PVT1: variants seen among roughly 807,000 people sequenced by gnomAD.
PVT1 encodes Pvt1 oncogene.
At chr8:127,925,539 A>G (rs1404402900) in intron 3 of PVT1, among the ~76,000 whole-genome samples, 1 of 152,228 alleles carries the variant, frequency 6.6e-6, no homozygotes, top group Non-Finnish European at 1.5e-5. Flanking sequence ...GGTGGGCACT[A>G]TGGTAGGATT....
intron 4 of PVT1, among the ~76,000 whole-genome samples, chr8:128,053,362 T>TACATATATATATACACACACACAC (rs1813721091): frequency 1.3e-5 from 2 of 149,272 alleles, no homozygotes; most frequent in Non-Finnish European, 3.0e-5. Context: ...GGGCTATATA[T>TACATATATATATACACACACACAC]ACATATATAT....
intron 3 of PVT1, among the ~76,000 whole-genome samples, chr8:127,938,249 G>T (rs945269209): frequency 1.3e-5 from 2 of 152,292 alleles, no homozygotes; most frequent in East Asian, 3.9e-4. Flanking sequence ...AAATGTGAGC[G>T]AGATTGACAA....
At chr8:128,090,715 T>C (rs948418249) in intron 5 of PVT1, among the ~76,000 whole-genome samples, 3 of 152,116 alleles carry the variant, frequency 2.0e-5, no homozygotes, top group Admixed American at 1.3e-4. Flanking sequence ...TCACCCCCCA[T>C]GCTCATTACC....
intron 4 of PVT1, among the ~76,000 whole-genome samples, chr8:128,065,862 G>T (rs566591305): frequency 2.0e-5 from 3 of 152,188 alleles, no homozygotes; most frequent in Non-Finnish European, 1.5e-5. Context: ...GGAACCTTTC[G>T]TTCATTCACC....
intron 2 of PVT1, among the ~76,000 whole-genome samples, chr8:127,848,214 T>C (rs1343774939): frequency 2.0e-5 from 3 of 152,238 alleles, no homozygotes; most frequent in Non-Finnish European, 4.4e-5. Flanking sequence ...GGTTATGTTC[T>C]ATTCACGCGA....
chr8:127,933,357 G>T (rs900558697), intron 3 of PVT1, among the ~76,000 whole-genome samples: 1 of 152,198 alleles, frequency 6.6e-6, no homozygotes, highest in Admixed American at 6.5e-5. Flanking sequence ...TTACAGGCGC[G>T]AGCCATTGTG....
chr8:127,858,263 C>T (rs1023077682), intron 2 of PVT1, among the ~76,000 whole-genome samples: 8 of 151,920 alleles, frequency 5.3e-5, no homozygotes, highest in East Asian at 1.9e-4. Context: ...AAAAATTAGC[C>T]GGGCATGGTG....
intron 2 of PVT1, among the ~76,000 whole-genome samples, chr8:127,814,952 G>A (rs545110352): frequency 4.9e-4 from 74 of 152,124 alleles, no homozygotes; most frequent in African/African-American, 1.7e-3. Context: ...ATTACACTTG[G>A]TGTAAACTTT....
At chr8:127,938,162 T>G (rs2129902205) in intron 3 of PVT1, among the ~76,000 whole-genome samples, 1 of 152,258 alleles carries the variant, frequency 6.6e-6, no homozygotes, top group Non-Finnish European at 1.5e-5. Flanking sequence ...GGGGGTGGTA[T>G]CCCTCACATC....
chr8:127,915,502 C>G (rs112092947), intron 3 of PVT1, among the ~76,000 whole-genome samples: 2,188 of 148,966 alleles, frequency 0.015, 43 homozygotes, highest in African/African-American at 0.051. Flanking sequence ...ATCCCAGCTA[C>G]TTGGGAGGCT....
intron 2 of PVT1, among the ~76,000 whole-genome samples, chr8:127,813,738 G>A (rs1262231396): frequency 6.6e-6 from 1 of 152,136 alleles, no homozygotes; most frequent in African/African-American, 2.4e-5. Context: ...CTCACCTCTG[G>A]CTCCTTCAAC....
intron 3 of PVT1, among the ~76,000 whole-genome samples, chr8:127,934,508 C>T (rs990029242): frequency 2.0e-5 from 3 of 152,130 alleles, no homozygotes; most frequent in African/African-American, 7.2e-5. Context: ...ATAGGTTTGC[C>T]AAAGATAGAG....
At chr8:127,953,223 T>G (rs1354639029) in intron 3 of PVT1, among the ~76,000 whole-genome samples, 1 of 152,200 alleles carries the variant, frequency 6.6e-6, no homozygotes, top group Non-Finnish European at 1.5e-5. Context: ...ATCTCTGTCC[T>G]TTTGAATTGT....
chr8:128,068,583 G>A (rs559156491), intron 4 of PVT1, among the ~76,000 whole-genome samples: 7 of 152,224 alleles, frequency 4.6e-5, no homozygotes, highest in Middle Eastern at 3.4e-3. Flanking sequence ...TGCAATCTCC[G>A]ACTTCCTGGT....
chr8:128,051,706 G>C (rs997053542), intron 4 of PVT1, among the ~76,000 whole-genome samples: 6 of 151,720 alleles, frequency 4.0e-5, no homozygotes, highest in African/African-American at 1.5e-4. Context: ...TCTTCTGGTC[G>C]ATCAAGTCTG....
intron 4 of PVT1, chr8:127,998,146 A>C (rs1450542734): frequency 6.6e-6 from 1 of 152,146 alleles, no homozygotes; most frequent in African/African-American, 2.4e-5. Flanking sequence ...CACTTTAAAG[A>C]TACTTTTGTG....
At chr8:127,994,791 G>C (rs1030444754) in intron 4 of PVT1, among the ~76,000 whole-genome samples, 1 of 152,188 alleles carries the variant, frequency 6.6e-6, no homozygotes, top group South Asian at 2.1e-4. Context: ...TGAGGACCAG[G>C]AATGCCAAGG....
chr8:127,914,260 C>CAAAAAAAAAA lies in PVT1; in HGVS notation n.782+23293_782+23302dup. ...AATTAAACACCACCACCACCAACAG[C>CAAAAAAAAAA]AAAAAAAAAAAAAAAAAAAAAAAAA... On this transcript the variant is annotated intron_variant and non_coding_transcript_variant, in intron 3 of 10. Coordinates refer to ENST00000651587, the Ensembl canonical transcript of PVT1. 8.6e-4 allele frequency among the ~76,000 whole-genome samples: 41 copies of CAAAAAAAAAA among 47,854 alleles called. 2 individuals are homozygous for CAAAAAAAAAA. Among genetic ancestry groups the CAAAAAAAAAA allele is most frequent in the Middle Eastern group, 0.028 (1 of 36 alleles). The allele number at this position is 47,854 out of a possible 152,430, so 31.4% of individuals were successfully genotyped here.
At chr8:128,007,765 G>A (rs1817264456) in intron 4 of PVT1, among the ~76,000 whole-genome samples, 1 of 152,334 alleles carries the variant, frequency 6.6e-6, no homozygotes, top group Admixed American at 6.5e-5. Context: ...GTAGGTTTAG[G>A]TTTGATGTAC....
Sources: gnomAD v4.1 joint callset for allele counts (sites outside exome capture counted in the v4.1 genomes callset) on GRCh38, gnomAD v4.1.1 for gene constraint, MANE v1.5 for transcripts, NCBI Gene and HGNC (gene_info 2026-07-23, HGNC 2026-07-21) for gene names.